Variants in TPP2 observed in about 807,000 individuals in gnomAD.
The protein encoded by TPP2 is tripeptidyl peptidase 2.
Under a neutral mutation model 155.9 loss-of-function variants are expected in TPP2, and 34 were observed. The ratio of observed to expected loss-of-function variants is 0.22; its 90% CI spans 0.17 to 0.29. TPP2 has a LOEUF of 0.29. Ranked by LOEUF, TPP2 falls within the 10% of genes least tolerant of loss-of-function variation. The pLI is 1.00. For synonymous variants in TPP2, 510 were observed against 529.4 expected (o/e 0.96, Z 0.50); for missense variants, 1,028 against 1,522.3 (o/e 0.68, Z 5.40).
At chr13:102,641,636 T>C (rs543117552) in intron 16 of TPP2, among the ~76,000 whole-genome samples, 1 of 152,290 alleles carries the variant, frequency 6.6e-6, no homozygotes, top group South Asian at 2.1e-4. Context: ...ATGCTGTCCA[T>C]CTGTTTGTCA....
chr13:102,623,688 G>A (rs1881338534), intron 6 of TPP2, among the ~76,000 whole-genome samples: 1 of 152,184 alleles, frequency 6.6e-6, no homozygotes, highest in Non-Finnish European at 1.5e-5. Context: ...GGCACTCTGT[G>A]TGATTTCAAA....
At chr13:102,645,984 GTT>G in intron 19 of TPP2, among the ~76,000 whole-genome samples, 1 of 39,502 alleles carries the variant, frequency 2.5e-5, no homozygotes, top group East Asian at 6.5e-4. Flanking sequence ...AACACTTTTA[GTT>G]GTCACCCTAG....
intron 11 of TPP2, 93 bp from the exon 12 acceptor site, chr13:102,635,494 C>G (rs1244506989): frequency 1.2e-6 from 1 of 811,414 alleles, no homozygotes; most frequent in Non-Finnish European, 2.0e-6. Context: ...GACATTAACA[C>G]CAGAGGGTCT....
At chr13:102,614,679 G>T (rs1157867052) in intron 3 of TPP2, among the ~76,000 whole-genome samples, 1 of 152,102 alleles carries the variant, frequency 6.6e-6, no homozygotes, top group Non-Finnish European at 1.5e-5. Flanking sequence ...TAAAACTGCT[G>T]AAGTGTAAGA....
intron 27 of TPP2, among the ~76,000 whole-genome samples, chr13:102,668,418 G>A (rs1210097676): frequency 6.6e-6 from 1 of 152,168 alleles, no homozygotes; most frequent in Non-Finnish European, 1.5e-5. Flanking sequence ...CAACTGGTTT[G>A]TCTGGCGTAG....
chr13:102,624,163 T>G (rs1456569658), intron 6 of TPP2, among the ~76,000 whole-genome samples: 1 of 152,206 alleles, frequency 6.6e-6, no homozygotes, highest in Non-Finnish European at 1.5e-5. Flanking sequence ...AATAGTACTA[T>G]GCAGTGTTTA....
intron 16 of TPP2, among the ~76,000 whole-genome samples, chr13:102,641,915 A>G (rs1448269351): frequency 1.3e-5 from 2 of 152,248 alleles, no homozygotes; most frequent in East Asian, 1.9e-4. Flanking sequence ...CTACTTAGAC[A>G]AGGACCCTGC....
chr13:102,605,152 G>C (rs1879726000), intron 2 of TPP2, among the ~76,000 whole-genome samples: 1 of 152,188 alleles, frequency 6.6e-6, no homozygotes, highest in Admixed American at 6.5e-5. Flanking sequence ...GTTGCAAATG[G>C]TTAGCCATGG....
intron 1 of TPP2, among the ~76,000 whole-genome samples, chr13:102,602,908 TG>T (rs1435541978): frequency 1.3e-5 from 2 of 151,942 alleles, no homozygotes; most frequent in Non-Finnish European, 1.5e-5. Context: ...TTTGTTTTTT[TG>T]TTTTTTTGTT....
chr13:102,670,211 A>G (rs1566374093), intron 27 of TPP2, among the ~76,000 whole-genome samples: 1 of 152,136 alleles, frequency 6.6e-6, no homozygotes, highest in Non-Finnish European at 1.5e-5. Context: ...AGGCATAACT[A>G]CAGGAGTACT....
At chr13:102,641,984 A>C (rs686765) in intron 16 of TPP2, among the ~76,000 whole-genome samples, 2 of 151,986 alleles carry the variant, frequency 1.3e-5, no homozygotes, top group Non-Finnish European at 1.5e-5. Context: ...ACTGGATTAG[A>C]GGGAGGCAGC....
intron 25 of TPP2, among the ~76,000 whole-genome samples, chr13:102,660,776 A>G (rs1332578555): frequency 6.6e-6 from 1 of 152,248 alleles, no homozygotes; most frequent in Non-Finnish European, 1.5e-5. Flanking sequence ...GCACAAGGGT[A>G]AGACATATAT....
At chr13:102,659,526 G>GC (rs1171580208) in intron 25 of TPP2, among the ~76,000 whole-genome samples, 2 of 152,184 alleles carry the variant, frequency 1.3e-5, no homozygotes, top group African/African-American at 2.4e-5. Flanking sequence ...TGACTTCTGA[G>GC]CAGAAACAGT....
chr13:102,619,437 C>CAA (rs10682969), intron 5 of TPP2, among the ~76,000 whole-genome samples: 155 of 144,516 alleles, frequency 1.1e-3, no homozygotes, highest in African/African-American at 3.1e-3. Flanking sequence ...AGGATTTCTG[C>CAA]AAAAAAAAAA....
intron 27 of TPP2, chr13:102,667,910 G>T: frequency 1.3e-6 from 1 of 796,442 alleles, no homozygotes; most frequent in East Asian, 1.3e-4. Context: ...TGGGCTAGGG[G>T]ACTGCCAGCA....
intron 24 of TPP2, 118 bp downstream of exon 24, chr13:102,651,515 C>T (rs1045191670): frequency 2.1e-5 from 22 of 1,054,244 alleles, no homozygotes; most frequent in Admixed American, 9.3e-5. Context: ...CCTTTCTTTG[C>T]ATTCTAAAGT....
intron 25 of TPP2, among the ~76,000 whole-genome samples, chr13:102,662,167 T>C (rs1024116757): frequency 6.6e-6 from 1 of 152,156 alleles, no homozygotes; most frequent in African/African-American, 2.4e-5. Flanking sequence ...AAAAAGACCA[T>C]GTATTATATG....
chr13:102,663,239 C>T (rs1349632519), intron 25 of TPP2, among the ~76,000 whole-genome samples: 3 of 152,086 alleles, frequency 2.0e-5, no homozygotes, highest in Admixed American at 6.6e-5. Context: ...CCTCTGCCTC[C>T]CAGGTTCAAG....
chr13:102,625,900 A>T (rs1399155412), intron 6 of TPP2, among the ~76,000 whole-genome samples: 1 of 152,198 alleles, frequency 6.6e-6, no homozygotes, highest in East Asian at 1.9e-4. Context: ...CTAGTGGGAT[A>T]TTTCTCTATA....
Sources: gnomAD v4.1 joint callset for allele counts (sites outside exome capture counted in the v4.1 genomes callset) on GRCh38, gnomAD v4.1.1 for gene constraint, MANE v1.5 for transcripts, NCBI Gene and HGNC (gene_info 2026-07-23, HGNC 2026-07-21) for gene names.